Variants in MECOM observed in about 807,000 individuals in gnomAD.
MECOM encodes the protein histone-lysine N-methyltransferase MECOM.
A neutral mutation model predicts 116.3 loss-of-function variants in MECOM; 13 were observed. The ratio of observed to expected loss-of-function variants is 0.11; its 90% CI spans 0.07 to 0.18. The LOEUF is 0.18. MECOM is among the 10% of genes least tolerant of loss of function. MECOM has a pLI of 1.00. For missense variants in MECOM, 1,299 were observed against 1,509.0 expected, an observed-to-expected ratio of 0.86 and a Z score of 2.31; for synonymous variants, 528 against 535.2, an observed-to-expected ratio of 0.99 and a Z score of 0.19.
chr3:169,461,134 G>A (rs1578163608), intron 1 of MECOM, among the ~76,000 whole-genome samples: 2 of 151,984 alleles, frequency 1.3e-5, no homozygotes, highest in South Asian at 4.1e-4. Flanking sequence ...ATTGATATTG[G>A]ACACAACAGT....
chr3:169,312,814 G>T (rs1257798699), intron 2 of MECOM, among the ~76,000 whole-genome samples: 22 of 152,184 alleles, frequency 1.4e-4, no homozygotes, highest in Admixed American at 1.4e-3. Context: ...CATCCATGTG[G>T]GGATGTCAGC....
intron 1 of MECOM, among the ~76,000 whole-genome samples, chr3:169,477,648 C>G (rs1259934597): frequency 6.6e-6 from 1 of 152,164 alleles, no homozygotes; most frequent in Non-Finnish European, 1.5e-5. Context: ...TGCCCAAACA[C>G]CTTTCTTCTT....
At chr3:169,217,566 C>G (rs377590179) in intron 2 of MECOM, among the ~76,000 whole-genome samples, 199 of 152,138 alleles carry the variant, frequency 1.3e-3, no homozygotes, top group South Asian at 2.1e-3. Context: ...GGGCAGATCA[C>G]TGAGGTCAGG....
chr3:169,283,458 C>T (rs1712601490), intron 2 of MECOM, among the ~76,000 whole-genome samples: 1 of 151,914 alleles, frequency 6.6e-6, no homozygotes, highest in South Asian at 2.1e-4. Context: ...AAAAAAATAG[C>T]TTGCTTGCCA....
Position 169,343,396 on chromosome 3 carries a change from A to G in MECOM, c.375+37791T>C, listed in dbSNP as rs568284633. ...TGACAATGTTGGCAGCTGCTTGAAA[A>G]GTGCAGTGAGTGGCTCCAGCATCTT... On this transcript the variant is annotated intron_variant, in intron 2 of 16. Coordinates refer to ENST00000651503, the MANE Select transcript of MECOM (RefSeq NM_004991.4). 1.6e-4 allele frequency among the ~76,000 whole-genome samples: 24 copies of G among 152,254 alleles called. No individual in the cohort carries two copies. The South Asian group carries it at 5.0e-3, about 32-fold the overall frequency.
chr3:169,564,889 T>C (rs1052069646), intron 1 of MECOM, among the ~76,000 whole-genome samples: 2 of 152,182 alleles, frequency 1.3e-5, no homozygotes, highest in African/African-American at 4.8e-5. Context: ...AATTTATACA[T>C]GAAGATCCTT....
At chr3:169,542,462 C>A (rs997042878) in intron 1 of MECOM, among the ~76,000 whole-genome samples, 1 of 152,138 alleles carries the variant, frequency 6.6e-6, no homozygotes, top group East Asian at 1.9e-4. Flanking sequence ...ACTCTAGGAG[C>A]CAATTTCAGT....
chr3:169,546,050 G>A (rs1405560069), intron 1 of MECOM, among the ~76,000 whole-genome samples: 3 of 152,182 alleles, frequency 2.0e-5, no homozygotes, highest in African/African-American at 7.2e-5. Flanking sequence ...GGAACTAAAT[G>A]AAGCTATTAT....
Position 169,454,046 on chromosome 3 carries a change from A to C in MECOM, c.38-72522T>G, listed in dbSNP as rs370411082. ...GCAAGGTCCCTGTCCACCCTCCTCC[A>C]TCACCCATTTCGATTCTACAAACAA... On this transcript the variant is annotated intron_variant, in intron 1 of 16. Coordinates refer to ENST00000651503, the MANE Select transcript of MECOM (RefSeq NM_004991.4). Among the ~76,000 whole-genome samples, 21 of 152,230 alleles carry C rather than the reference A, an allele frequency of 1.4e-4. No individual in the cohort carries two copies. In the East Asian group the frequency reaches 1.9e-3, roughly 14 times the overall value.
At chr3:169,250,521 A>G (rs1756129682) in intron 2 of MECOM, among the ~76,000 whole-genome samples, 1 of 152,216 alleles carries the variant, frequency 6.6e-6, no homozygotes, top group Non-Finnish European at 1.5e-5. Flanking sequence ...ACTCGTTAAT[A>G]TTAGAGAAAA....
At chr3:169,496,720 C>T (rs892841427) in intron 1 of MECOM, among the ~76,000 whole-genome samples, 24 of 152,200 alleles carry the variant, frequency 1.6e-4, no homozygotes, top group African/African-American at 5.6e-4. Flanking sequence ...AGCATTTCCA[C>T]GTCTTAGTTC....
rs148113189 is a variant in MECOM at position 169,161,976 on chromosome 3, A to C, written c.376-18144T>G. Among the ~76,000 whole-genome samples, 482 of 152,286 alleles carry C rather than the reference A, an allele frequency of 3.2e-3. 3 individuals carry two copies. The highest frequency in any genetic ancestry group is 0.014 in the Middle Eastern group (4 of 294). The stretch of plus-strand genomic sequence containing the variant: ...TCCCTGTGACCTGATGAGACCCTGG[A>C]CCACAACTGCCCAGCTAGCTGAGCC... On this transcript the variant is annotated intron_variant, in intron 2 of 16. Coordinates refer to ENST00000651503, the MANE Select transcript of MECOM (RefSeq NM_004991.4).
At chr3:169,641,943 A>G (rs1773544057) in intron 1 of MECOM, among the ~76,000 whole-genome samples, 1 of 152,268 alleles carries the variant, frequency 6.6e-6, no homozygotes, top group African/African-American at 2.4e-5. Flanking sequence ...GGAGAAATGA[A>G]GACAAATTGG....
rs752302461 is a variant in MECOM, at chr3:169,083,873, C to T, written c.*1036G>A. On this transcript the variant is annotated 3_prime_UTR_variant, in exon 17 of 17. Coordinates refer to ENST00000651503, the MANE Select transcript of MECOM (RefSeq NM_004991.4). Reference sequence around the variant, plus strand: ...ATTATAATCGTTTATACAATTGAATCGATTTCAGTATTACAAAAACTAAGT... The same window carrying T: ...ATTATAATCGTTTATACAATTGAATTGATTTCAGTATTACAAAAACTAAGT... The T allele has an allele frequency of 1.4e-5, 3 of 218,608 alleles. No homozygotes were observed. Among genetic ancestry groups the T allele is most frequent in the Non-Finnish European group, 2.8e-5 (3 of 108,966 alleles). The allele number at this position is 218,608 out of a possible 1,614,324, so 13.5% of individuals were successfully genotyped here. A position where few individuals can be genotyped will look rare whatever the true frequency, so the allele number is the denominator to read the frequency against.
chr3:169,572,682 T>C (rs1477787530), intron 1 of MECOM, among the ~76,000 whole-genome samples: 1 of 152,046 alleles, frequency 6.6e-6, no homozygotes, highest in African/African-American at 2.4e-5. Flanking sequence ...TGCAGGGACA[T>C]GGATGAAGCT....
chr3:169,531,350 T>C (rs957024528), intron 1 of MECOM, among the ~76,000 whole-genome samples: 6 of 152,226 alleles, frequency 3.9e-5, no homozygotes, highest in African/African-American at 1.4e-4. Context: ...ATACTGAGGA[T>C]GGTGAATAAC....
chr3:169,239,853 T>A (rs1462421134), intron 2 of MECOM, among the ~76,000 whole-genome samples: 4 of 152,188 alleles, frequency 2.6e-5, no homozygotes, highest in Non-Finnish European at 5.9e-5. Flanking sequence ...AATTCCATTG[T>A]GTTGATATAA....
In MECOM at chr3:169,119,974, C is replaced by T. The variant is rs1026867574; in HGVS notation, c.1132+1082G>A. Among the ~76,000 whole-genome samples, 6 of 152,054 alleles carry T rather than the reference C, an allele frequency of 3.9e-5. 1 individual carries two copies. The highest frequency in any genetic ancestry group is 2.6e-4 in the Admixed American group (4 of 15,270). On this transcript the variant is annotated intron_variant, in intron 7 of 16. Coordinates refer to ENST00000651503, the MANE Select transcript of MECOM (RefSeq NM_004991.4). ...TTGGACACACAAAAGAAAGCTGTGT[C>T]GAGGCAAAGGAGAGTTAGTCTCTGG... is the stretch of plus-strand genomic sequence containing the variant.
At chr3:169,174,289 T>C (rs1186422937) in intron 2 of MECOM, among the ~76,000 whole-genome samples, 1 of 152,212 alleles carries the variant, frequency 6.6e-6, no homozygotes, top group Non-Finnish European at 1.5e-5. Flanking sequence ...TTATATTAGA[T>C]AATTAAAGTG....
Sources: gnomAD v4.1 joint callset for allele counts (sites outside exome capture counted in the v4.1 genomes callset) on GRCh38, gnomAD v4.1.1 for gene constraint, MANE v1.5 for transcripts, NCBI Gene and HGNC (gene_info 2026-07-23, HGNC 2026-07-21) for gene names.